SMOC2: variants seen among roughly 807,000 people sequenced by gnomAD.
The protein encoded by SMOC2 is SPARC-related modular calcium-binding protein 2.
Under a neutral mutation model 61.4 loss-of-function variants are expected in SMOC2, and 39 were observed. The ratio of observed to expected loss-of-function variants is 0.64; its 90% CI spans 0.49 to 0.83. The LOEUF (loss-of-function observed/expected upper bound fraction) is 0.83. SMOC2 is among the 40% of genes least tolerant of loss of function. SMOC2 has a pLI of 0.00. For missense variants in SMOC2, 556 were observed against 592.9 expected (o/e 0.94, Z 0.65); for synonymous variants, 247 against 239.9 (o/e 1.03, Z -0.27).
chr6:168,650,086 C>T (rs537051796), intron 9 of SMOC2, among the ~76,000 whole-genome samples: 46 of 152,282 alleles, frequency 3.0e-4, no homozygotes, highest in African/African-American at 9.9e-4. Flanking sequence ...TATTCCCTGA[C>T]CCCAGAATCC....
rs756133585 is a variant in SMOC2 at position 168,560,596 on chromosome 6, C to A, written c.637+11393C>A. On this transcript the variant is annotated intron_variant, in intron 7 of 12. Transcript: ENST00000356284. ...CATTCTTGGAGGAGGTGTCATTTTC[C>A]TGCCCTGAGACACGAGGCTCTCACT... Among the ~76,000 whole-genome samples, 304 of 50,266 alleles carry A rather than the reference C, an allele frequency of 6.0e-3. 2 individuals are homozygous for A. The highest frequency in any genetic ancestry group is 6.4e-3 in the Admixed American group (32 of 4,982). 33.0% of individuals were successfully genotyped at this position (50,266 alleles called of 152,430 possible).
intron 8 of SMOC2, among the ~76,000 whole-genome samples, chr6:168,602,280 G>A (rs1264300001): frequency 2.6e-5 from 4 of 152,194 alleles, no homozygotes; most frequent in Admixed American, 6.5e-5. Context: ...GATGATTTCA[G>A]CGGTTCAAAG....
At chr6:168,449,038 G>T (rs993363168) in intron 1 of SMOC2, among the ~76,000 whole-genome samples, 4 of 152,054 alleles carry the variant, frequency 2.6e-5, no homozygotes, top group Non-Finnish European at 4.4e-5. Flanking sequence ...TAATTACCTG[G>T]TTTTTTCTTT....
At chr6:168,559,658 C>T (rs561502629) in intron 7 of SMOC2, among the ~76,000 whole-genome samples, 1 of 152,126 alleles carries the variant, frequency 6.6e-6, no homozygotes, top group Non-Finnish European at 1.5e-5. Context: ...CATGCCTGTG[C>T]TCATCTGCCA....
chr6:168,464,012 G>A (rs1213545691), intron 1 of SMOC2, among the ~76,000 whole-genome samples: 1 of 151,974 alleles, frequency 6.6e-6, no homozygotes, highest in East Asian at 1.9e-4. Context: ...TCAACATGGT[G>A]AATCCCCGTC....
intron 9 of SMOC2, among the ~76,000 whole-genome samples, chr6:168,634,402 C>G (rs1786658001): frequency 6.6e-6 from 1 of 152,282 alleles, no homozygotes; most frequent in Middle Eastern, 3.4e-3. Context: ...TTAAAATGAG[C>G]ATATTTATAA....
chr6:168,520,321 C>A (rs1783298946), intron 2 of SMOC2, among the ~76,000 whole-genome samples: 1 of 152,162 alleles, frequency 6.6e-6, no homozygotes, highest in Non-Finnish European at 1.5e-5. Flanking sequence ...TCATTTGATG[C>A]CAAAATCAAT....
At chr6:168,518,024 G>T (rs2144746) in intron 2 of SMOC2, among the ~76,000 whole-genome samples, 8 of 152,300 alleles carry the variant, frequency 5.3e-5, no homozygotes, top group Non-Finnish European at 8.8e-5. Context: ...TTTTCCCATC[G>T]CATGAGTGTT....
intron 7 of SMOC2, among the ~76,000 whole-genome samples, chr6:168,578,381 G>A (rs1449756360): frequency 6.6e-6 from 1 of 152,248 alleles, no homozygotes; most frequent in Non-Finnish European, 1.5e-5. Flanking sequence ...GAGCTGGAAA[G>A]TGCTGTCAAA....
intron 1 of SMOC2, among the ~76,000 whole-genome samples, chr6:168,488,241 G>T (rs1411239488): frequency 6.6e-6 from 1 of 152,200 alleles, no homozygotes; most frequent in Non-Finnish European, 1.5e-5. Context: ...GCATTCCTCC[G>T]CTTGCAGATG....
chr6:168,529,401 G>C (rs55854635), intron 4 of SMOC2, among the ~76,000 whole-genome samples: 2 of 152,190 alleles, frequency 1.3e-5, no homozygotes, highest in Non-Finnish European at 2.9e-5. Flanking sequence ...TCTGTGAGGG[G>C]GGGCAGTGTT....
At chr6:168,628,355 T>C (rs930724893) in intron 9 of SMOC2, among the ~76,000 whole-genome samples, 9 of 152,168 alleles carry the variant, frequency 5.9e-5, no homozygotes, top group African/African-American at 2.2e-4. Flanking sequence ...TAAATTAATA[T>C]CACCTGAAAA....
intron 1 of SMOC2, among the ~76,000 whole-genome samples, chr6:168,496,777 G>T (rs1244165468): frequency 6.6e-6 from 1 of 152,250 alleles, no homozygotes; most frequent in Admixed American, 6.5e-5. Context: ...CCTTCTGAGT[G>T]GGGTGTGATG....
chr6:168,564,096 G>A (rs1158293162), intron 7 of SMOC2, among the ~76,000 whole-genome samples: 2 of 152,112 alleles, frequency 1.3e-5, no homozygotes, highest in Non-Finnish European at 2.9e-5. Flanking sequence ...TTATCAATAA[G>A]GTTTTGTACA....
At chr6:168,595,527 T>C (rs1263883146) in intron 7 of SMOC2, among the ~76,000 whole-genome samples, 2 of 152,178 alleles carry the variant, frequency 1.3e-5, no homozygotes, top group African/African-American at 2.4e-5. Context: ...CAGGTGGAAA[T>C]TGTGTTCTGT....
intron 7 of SMOC2, among the ~76,000 whole-genome samples, chr6:168,560,283 T>G (rs539703777): frequency 5.9e-5 from 9 of 152,352 alleles, no homozygotes; most frequent in African/African-American, 2.2e-4. Context: ...GTCAGGCTAT[T>G]GTGTTTCAGA....
At chr6:168,462,384 G>A (rs1167966218) in intron 1 of SMOC2, among the ~76,000 whole-genome samples, 1 of 152,180 alleles carries the variant, frequency 6.6e-6, no homozygotes, top group Non-Finnish European at 1.5e-5. Context: ...TCTGTATGTT[G>A]AATTATCGTT....
Position 168,543,622 on chromosome 6 carries a change from T to C in SMOC2, c.464-3T>C. On this transcript the variant is annotated splice_region_variant and splice_polypyrimidine_tract_variant and intron_variant, in intron 4 of 12. Transcript: ENST00000356284. ...CATTTCACTCCTTATTTTCCTCTTT[T>C]AGGTTCCGTAAATGAAAAGTTACCC... 1 of 1,613,576 alleles carries C rather than the reference T, an allele frequency of 6.2e-7. No homozygotes were observed. The highest frequency in any genetic ancestry group is 8.5e-7 in the Non-Finnish European group (1 of 1,179,580).
chr6:168,463,244 A>G (rs186765063), intron 1 of SMOC2, among the ~76,000 whole-genome samples: 23 of 152,296 alleles, frequency 1.5e-4, no homozygotes, highest in Non-Finnish European at 2.8e-4. Flanking sequence ...CTTTTCCCGT[A>G]CTTACCCCAA....
Sources: gnomAD v4.1 joint callset for allele counts (sites outside exome capture counted in the v4.1 genomes callset) on GRCh38, gnomAD v4.1.1 for gene constraint, MANE v1.5 for transcripts, NCBI Gene and HGNC (gene_info 2026-07-23, HGNC 2026-07-21) for gene names.